The following TAFA5 variants were observed in gnomAD, a reference collection of about 807,000 sequenced individuals.
The protein encoded by TAFA5 is TAFA chemokine like family member 5.
In TAFA5, 6 loss-of-function variants were observed where a neutral mutation model predicts 15.3. The observed-to-expected ratio is 0.39, with a 90% CI of 0.21 to 0.77. The LOEUF (loss-of-function observed/expected upper bound fraction) is 0.77. TAFA5 is among the 30% of genes least tolerant of loss of function. The pLI is 0.41. For synonymous variants in TAFA5, 103 were observed against 80.7 expected, an observed-to-expected ratio of 1.28 and a Z score of -1.48; for missense variants, 161 against 193.1, an observed-to-expected ratio of 0.83 and a Z score of 0.98.
At chr22:48,590,713 A>G (rs1218596004) in intron 1 of TAFA5, among the ~76,000 whole-genome samples, 2 of 152,078 alleles carry the variant, frequency 1.3e-5, no homozygotes, top group Non-Finnish European at 2.9e-5. Flanking sequence ...AAAATTGTGG[A>G]AAAGATCAAT....
intron 1 of TAFA5, among the ~76,000 whole-genome samples, chr22:48,579,329 T>G (rs1445770255): frequency 1.3e-5 from 2 of 152,330 alleles, no homozygotes; most frequent in Admixed American, 1.3e-4. Context: ...GGTCCGGCAC[T>G]GGGGCCTGGG....
At chr22:48,599,291 G>C (rs1045533995) in intron 1 of TAFA5, among the ~76,000 whole-genome samples, 1 of 152,208 alleles carries the variant, frequency 6.6e-6, no homozygotes, top group African/African-American at 2.4e-5. Flanking sequence ...AGACTCCCTA[G>C]GGCCCTGGCC....
chr22:48,512,113 C>A (rs1443767375), intron 1 of TAFA5, among the ~76,000 whole-genome samples: 1 of 152,154 alleles, frequency 6.6e-6, no homozygotes, highest in Non-Finnish European at 1.5e-5. Flanking sequence ...GTCTGGTAGA[C>A]CAGGCTGCAA....
chr22:48,526,958 G>A (rs1921801546), intron 1 of TAFA5, among the ~76,000 whole-genome samples: 1 of 152,198 alleles, frequency 6.6e-6, no homozygotes, highest in Non-Finnish European at 1.5e-5. Flanking sequence ...TTGTCCTTGG[G>A]ATTTTCTTTA....
At chr22:48,609,987 C>T (rs558818406) in intron 1 of TAFA5, among the ~76,000 whole-genome samples, 1 of 152,354 alleles carries the variant, frequency 6.6e-6, no homozygotes, top group East Asian at 1.9e-4. Context: ...TTGATTACAT[C>T]TGCAAAGACC....
At position 48,720,734 on chromosome 22, in the gene TAFA5, G is replaced by A. The variant is rs556700913; in HGVS notation, c.390+12890G>A. Among the ~76,000 whole-genome samples, 29 of 150,178 alleles carry A rather than the reference G, an allele frequency of 1.9e-4. 3 individuals are homozygous for A. Among genetic ancestry groups the A allele is most frequent in the South Asian group, 1.9e-3 (9 of 4,760 alleles). ...AATGCAATGCCTTGGTCCCCACCAC[G>A]CTGGCACCTGGGCACGGAGCCTCCA... On this transcript the variant is annotated intron_variant, in intron 3 of 3. Transcript: ENST00000402357.
At position 48,490,429 on chromosome 22, in the gene TAFA5, C is replaced by T. The variant is rs1370614265; in HGVS notation, c.112+725C>T. Among the ~76,000 whole-genome samples, 1 of 151,462 alleles carries T rather than the reference C, an allele frequency of 6.6e-6. No homozygotes were observed. The highest frequency in any genetic ancestry group is 1.5e-5 in the Non-Finnish European group (1 of 67,800). Reference sequence around the variant, plus strand: ...GAGGGCTGGGGTAGGGGGTGACCGCCGCGGGCTCCCTGTTGCCTGGAGTGA... The same window carrying T: ...GAGGGCTGGGGTAGGGGGTGACCGCTGCGGGCTCCCTGTTGCCTGGAGTGA... On this transcript the variant is annotated intron_variant, in intron 1 of 3. Coordinates refer to ENST00000402357, the MANE Select transcript of TAFA5 (RefSeq NM_001082967.3). The surrounding 1 kb of genome is among the most constrained non-coding windows in gnomAD (Gnocchi z 5.8).
At chr22:48,543,370 T>C (rs1922533106) in intron 1 of TAFA5, 1 of 151,500 alleles carries the variant, frequency 6.6e-6, no homozygotes. Context: ...CAGGCCCGAG[T>C]GGAGGGGAGG....
At chr22:48,531,956 G>T (rs773725028) in intron 1 of TAFA5, among the ~76,000 whole-genome samples, 89 of 152,302 alleles carry the variant, frequency 5.8e-4, no homozygotes, top group Middle Eastern at 6.8e-3. Context: ...AGCACATGCC[G>T]GCACAGCTGG....
At chr22:48,734,770 T>C (rs1929961117) in intron 3 of TAFA5, among the ~76,000 whole-genome samples, 1 of 152,214 alleles carries the variant, frequency 6.6e-6, no homozygotes, top group Non-Finnish European at 1.5e-5. Flanking sequence ...GTGATACGGA[T>C]GTCGTGAGCA....
At chr22:48,641,722 C>T (rs933128908) in intron 1 of TAFA5, among the ~76,000 whole-genome samples, 20 of 152,080 alleles carry the variant, frequency 1.3e-4, no homozygotes, top group East Asian at 3.9e-4. Context: ...CGGAGGCCCC[C>T]GGTCCAGGCC....
At chr22:48,735,013 T>C (rs1929969198) in intron 3 of TAFA5, among the ~76,000 whole-genome samples, 1 of 152,224 alleles carries the variant, frequency 6.6e-6, no homozygotes, top group Non-Finnish European at 1.5e-5. Flanking sequence ...GTAAACTCAA[T>C]CGGAGAAATC....
At chr22:48,722,319 A>G (rs130182) in intron 3 of TAFA5, among the ~76,000 whole-genome samples, 60,171 of 151,908 alleles carry the variant, frequency 0.4, 12,848 homozygotes, top group Non-Finnish European at 0.48. Context: ...GTGTTCATCA[A>G]TGATAGACTG....
intron 3 of TAFA5, among the ~76,000 whole-genome samples, chr22:48,743,603 G>T (rs1278687118): frequency 1.3e-5 from 2 of 152,212 alleles, no homozygotes; most frequent in East Asian, 1.9e-4. Flanking sequence ...TCATGGAGGA[G>T]GGGGAGGGCT....
intron 2 of TAFA5, among the ~76,000 whole-genome samples, chr22:48,685,973 AGGCCCCACGTGCGCCCCGGGAGTACACG>A (rs1928341186): frequency 6.7e-6 from 1 of 148,678 alleles, no homozygotes; most frequent in African/African-American, 2.6e-5. Context: ...GAGTACACGC[AGGCCCCACGTGCGCCCCGGGAGTACACG>A]CAGGCCCCAC....
intron 1 of TAFA5, among the ~76,000 whole-genome samples, chr22:48,610,936 ATT>A (rs33919099): frequency 0.55 from 78,853 of 144,110 alleles, 21,696 homozygotes; most frequent in Non-Finnish European, 0.62. Context: ...ACCCTTAGTA[ATT>A]TTTTTTTTTT....
chr22:48,687,774 G>T (rs1183554413), intron 2 of TAFA5, among the ~76,000 whole-genome samples: 1 of 152,104 alleles, frequency 6.6e-6, no homozygotes, highest in Non-Finnish European at 1.5e-5. Flanking sequence ...CCACCTCTGA[G>T]GGGGGAACAT....
chr22:48,514,450 T>C (rs1187554841), intron 1 of TAFA5, among the ~76,000 whole-genome samples: 1 of 152,192 alleles, frequency 6.6e-6, no homozygotes, highest in Non-Finnish European at 1.5e-5. Context: ...GACTTTTGAG[T>C]CTCAGCTCTC....
chr22:48,500,433 C>T (rs1270215407), intron 1 of TAFA5, among the ~76,000 whole-genome samples: 2 of 152,212 alleles, frequency 1.3e-5, no homozygotes, highest in African/African-American at 2.4e-5. Flanking sequence ...GGGGACGGGT[C>T]ACTTGGGCCA....
Sources: gnomAD v4.1 joint callset for allele counts (sites outside exome capture counted in the v4.1 genomes callset) on GRCh38, gnomAD v4.1.1 for gene constraint, Gnocchi (gnomAD v3.1) non-coding constraint, MANE v1.5 for transcripts, NCBI Gene and HGNC (gene_info 2026-07-23, HGNC 2026-07-21) for gene names.